Variants in RNF150 observed in about 807,000 individuals in gnomAD.
RNF150 encodes the protein ring finger protein 150.
Under a neutral mutation model 39.3 loss-of-function variants are expected in RNF150, and 24 were observed. The observed-to-expected ratio is 0.61, with a 90% CI of 0.44 to 0.86. The LOEUF is 0.86. Among genes scored for constraint, RNF150 ranks in the 40% least tolerant of loss-of-function variants. The pLI, the probability that RNF150 is intolerant of heterozygous loss-of-function variation, is 0.00. For synonymous variants in RNF150, 255 were observed against 227.3 expected, an observed-to-expected ratio of 1.12 and a Z score of -1.10; for missense variants, 502 against 587.8, an observed-to-expected ratio of 0.85 and a Z score of 1.51.
intron 1 of RNF150, among the ~76,000 whole-genome samples, chr4:140,970,000 C>G (rs1834380): frequency 0.52 from 78,837 of 151,874 alleles, 20,852 homozygotes; most frequent in East Asian, 0.79. Context: ...CTGACCTCAA[C>G]TGATCCACCT....
At chr4:140,967,923 T>C (rs1459379317) in intron 1 of RNF150, 50 bp from the exon 2 acceptor site, 15 of 1,548,508 alleles carry the variant, frequency 9.7e-6, no homozygotes, top group African/African-American at 1.4e-5. Flanking sequence ...GGATAAGATA[T>C]GGGGGATCCC....
intron 3 of RNF150, among the ~76,000 whole-genome samples, chr4:140,948,586 G>A (rs993115307): frequency 2.0e-5 from 3 of 152,044 alleles, no homozygotes; most frequent in African/African-American, 7.2e-5. Flanking sequence ...AAATGAATTC[G>A]GGGCTCTGTG....
chr4:141,006,211 CAT>C (rs768544422), intron 1 of RNF150, among the ~76,000 whole-genome samples: 20 of 150,994 alleles, frequency 1.3e-4, no homozygotes, highest in African/African-American at 4.4e-4. Flanking sequence ...TATATACACA[CAT>C]ATATATACAC....
At chr4:141,064,695 A>C (rs1458890034) in intron 1 of RNF150, among the ~76,000 whole-genome samples, 1 of 152,178 alleles carries the variant, frequency 6.6e-6, no homozygotes, top group Non-Finnish European at 1.5e-5. Context: ...AATAAAAGAC[A>C]AAAACAAAAT....
At position 140,860,354 on chromosome 4, in the gene RNF150, C is replaced by T. The variant is rs545569844; in HGVS notation, c.*7907G>A. 1.9e-4 allele frequency: 29 copies of T among 152,114 alleles called. No individual in the cohort carries two copies. Among genetic ancestry groups the T allele is most frequent in the South Asian group, 6.2e-4 (3 of 4,818 alleles). 9.4% of individuals were successfully genotyped at this position (152,114 alleles called of 1,614,324 possible). On this transcript the variant is annotated 3_prime_UTR_variant, in exon 7 of 7. Coordinates refer to ENST00000515673, the MANE Select transcript of RNF150 (RefSeq NM_020724.2). ...CTACATAATTCACTAGTACTTATTT[C>T]GGCAATTAAGAACTGAAGTCCAAAT... is the stretch of plus-strand genomic sequence containing the variant.
chr4:140,989,493 A>T (rs1579031429), intron 1 of RNF150, among the ~76,000 whole-genome samples: 1 of 152,254 alleles, frequency 6.6e-6, no homozygotes, highest in East Asian at 1.9e-4. Context: ...CTCACCCAAG[A>T]CAAAAAGAGA....
intron 1 of RNF150, among the ~76,000 whole-genome samples, chr4:141,176,752 G>C (rs190456350): frequency 1.3e-5 from 2 of 152,074 alleles, no homozygotes; most frequent in African/African-American, 4.8e-5. Context: ...GCTCATTTCT[G>C]CTGGTTTTAA....
intron 1 of RNF150, among the ~76,000 whole-genome samples, chr4:141,206,350 C>T (rs1728373755): frequency 1.4e-5 from 2 of 143,360 alleles, no homozygotes; most frequent in African/African-American, 5.2e-5. Flanking sequence ...ACCTGGGAGG[C>T]AGAGATTACA....
chr4:141,080,617 T>G (rs1297468468), intron 1 of RNF150, among the ~76,000 whole-genome samples: 1 of 152,218 alleles, frequency 6.6e-6, no homozygotes, highest in African/African-American at 2.4e-5. Flanking sequence ...TAGCTGAAGT[T>G]GCATGTTTTT....
chr4:141,062,403 A>AAC (rs1254828427), intron 1 of RNF150, among the ~76,000 whole-genome samples: 1 of 152,146 alleles, frequency 6.6e-6, no homozygotes, highest in Non-Finnish European at 1.5e-5. Flanking sequence ...ACACACACGC[A>AAC]CATACAGTAG....
rs1739458186 is a variant in RNF150 at position 141,113,533 on chromosome 4, T to C, written c.484+18792A>G. 2.6e-5 allele frequency among the ~76,000 whole-genome samples: 4 copies of C among 152,052 alleles called. No homozygotes were observed. In the South Asian group the frequency reaches 8.3e-4, roughly 32 times the overall value. ...GATTCATAAAGCAAGTTCTTGGAGA[T>C]ATACAAAGAGACTTAGACTCCCACA... is the stretch of plus-strand genomic sequence containing the variant. On this transcript the variant is annotated intron_variant, in intron 1 of 6. Coordinates refer to ENST00000515673, the MANE Select transcript of RNF150 (RefSeq NM_020724.2).
chr4:141,067,269 T>C (rs991149653), intron 1 of RNF150, among the ~76,000 whole-genome samples: 1 of 152,228 alleles, frequency 6.6e-6, no homozygotes. Flanking sequence ...AACTACCATT[T>C]TGCAAGAATG....
chr4:140,987,218 T>C (rs1734044798), intron 1 of RNF150, among the ~76,000 whole-genome samples: 1 of 152,104 alleles, frequency 6.6e-6, no homozygotes. Context: ...TTCAATACTA[T>C]TCCTATCAAA....
chr4:141,104,725 G>A (rs1355497645), intron 1 of RNF150, among the ~76,000 whole-genome samples: 2 of 152,198 alleles, frequency 1.3e-5, no homozygotes, highest in Non-Finnish European at 2.9e-5. Flanking sequence ...AATGACTGCT[G>A]AAATGTATTT....
At chr4:140,878,077 CACTT>C (rs1729226868) in intron 6 of RNF150, among the ~76,000 whole-genome samples, 4 of 151,504 alleles carry the variant, frequency 2.6e-5, no homozygotes, top group Non-Finnish European at 4.4e-5. Context: ...TCCCCATCAA[CACTT>C]ACTATTTTGT....
At chr4:141,138,420 A>G (rs549323161), upstream of RNF150, among the ~76,000 whole-genome samples, 1 of 152,160 alleles carries the variant, frequency 6.6e-6, no homozygotes, top group Non-Finnish European at 1.5e-5. Flanking sequence ...AAGAGGGAAC[A>G]CTCTTCAAAA....
chr4:140,875,344 A>C (rs904348705), intron 6 of RNF150, among the ~76,000 whole-genome samples: 5 of 151,970 alleles, frequency 3.3e-5, no homozygotes, highest in African/African-American at 4.8e-5. Context: ...TGGCTAATTA[A>C]AATATTTTTT....
chr4:141,153,816 G>A (rs1320952294), intron 1 of RNF150, among the ~76,000 whole-genome samples: 2 of 152,140 alleles, frequency 1.3e-5, no homozygotes, highest in Non-Finnish European at 1.5e-5. Flanking sequence ...TCTCATAGGT[G>A]TTCATGTATG....
intron 1 of RNF150, among the ~76,000 whole-genome samples, chr4:141,164,131 C>A (rs1339414035): frequency 6.6e-6 from 1 of 151,298 alleles, no homozygotes; most frequent in Non-Finnish European, 1.5e-5. Flanking sequence ...AGCTGAAAAA[C>A]ACAGCATGAG....
Sources: allele counts gnomAD v4.1 joint callset (sites outside exome capture counted in the v4.1 genomes callset), GRCh38; gene constraint gnomAD v4.1.1; transcripts MANE v1.5; gene names NCBI Gene and HGNC (gene_info 2026-07-23, HGNC 2026-07-21).